EZH1: variants seen among roughly 807,000 people sequenced by gnomAD.
EZH1 encodes histone-lysine N-methyltransferase EZH1.
Under a neutral mutation model 100.5 loss-of-function variants are expected in EZH1, and 33 were observed. The ratio of observed to expected loss-of-function variants is 0.33; its 90% CI spans 0.25 to 0.44. The LOEUF (loss-of-function observed/expected upper bound fraction) is 0.44. Ranked by LOEUF, EZH1 falls within the 20% of genes least tolerant of loss-of-function variation. EZH1 has a pLI of 1.00. For missense variants in EZH1, 475 were observed against 928.4 expected, an observed-to-expected ratio of 0.51 and a Z score of 6.35; for synonymous variants, 272 against 313.8, an observed-to-expected ratio of 0.87 and a Z score of 1.41.
At chr17:42,703,932 A>G (rs559296008) in intron 18 of EZH1, 112 bp from the exon 19 acceptor site, 2 of 799,456 alleles carry the variant, frequency 2.5e-6, no homozygotes, top group Admixed American at 1.8e-5. Flanking sequence ...TCTGATGGGA[A>G]TGTTGAAGCC....
intron 19 of EZH1, chr17:42,703,164 GTTTTT>G (rs961939749): frequency 1.8e-6 from 1 of 550,574 alleles, no homozygotes; most frequent in South Asian, 2.1e-5. Context: ...TATAAGTGGG[GTTTTT>G]TGTTTTGTTT....
Position 42,718,019 on chromosome 17 carries a change from T to C in EZH1, c.980A>G (p.Lys327Arg). The C allele has an allele frequency of 6.2e-7, 1 of 1,614,228 alleles. No homozygotes were observed. Among genetic ancestry groups the C allele is most frequent in the Non-Finnish European group, 8.5e-7 (1 of 1,180,036 alleles). Residue 327 changes from lysine (K) to arginine (R), a missense_variant, in exon 10 of 21, where the codon AAG becomes AGG. This residue lies in a region of EZH1 where 180 missense variants were observed against 295.3 expected (regional missense o/e 0.61). Transcript: ENST00000428826. The surrounding 1 kb of genome is among the most constrained non-coding windows in gnomAD (Gnocchi z 4.2). ...TGTGCCACATGGTTCTGGTTCAATC[T>C]TGATTTCTTTATTCTTGCGTTTATA... is the stretch of plus-strand genomic sequence containing the variant. Reference protein sequence around the residue: ...NVYKRKNKEIKIEPEPCGTDC... With the variant: ...NVYKRKNKEIRIEPEPCGTDC...
intron 10 of EZH1, among the ~76,000 whole-genome samples, chr17:42,716,839 C>T (rs1033586052): frequency 6.6e-6 from 1 of 152,112 alleles, no homozygotes; most frequent in African/African-American, 2.4e-5. Flanking sequence ...GCTGGGATTA[C>T]AGGCGTGCGC....
At chr17:42,714,396 T>C in intron 10 of EZH1, 1 of 337,404 alleles carries the variant, frequency 3.0e-6, no homozygotes, top group East Asian at 7.0e-5. Flanking sequence ...TGATTACCTT[T>C]ATACCAAGAG....
chr17:42,710,896 T>C (rs2053468196), intron 12 of EZH1, among the ~76,000 whole-genome samples: 1 of 151,634 alleles, frequency 6.6e-6, no homozygotes, highest in South Asian at 2.1e-4. Context: ...GCACTGGAAT[T>C]CTAGGTGTGA....
intron 6 of EZH1, among the ~76,000 whole-genome samples, chr17:42,721,161 T>C (rs1157969003): frequency 1.3e-5 from 2 of 152,218 alleles, no homozygotes; most frequent in African/African-American, 2.4e-5. Flanking sequence ...TTGTACTTTA[T>C]GGAGATGTAC....
At chr17:42,710,409 T>C (rs990743550) in intron 12 of EZH1, among the ~76,000 whole-genome samples, 9 of 152,224 alleles carry the variant, frequency 5.9e-5, no homozygotes, top group African/African-American at 2.2e-4. Context: ...GTTTTTTCTC[T>C]TAAAGCACTG....
At chr17:42,703,446 G>T in intron 19 of EZH1, 1 of 365,968 alleles carries the variant, frequency 2.7e-6, no homozygotes, top group Admixed American at 4.4e-5. Context: ...CCAAAGTGCT[G>T]GGATTACAGG....
chr17:42,738,210 G>A (rs1205917873), intron 1 of EZH1, among the ~76,000 whole-genome samples: 1 of 149,978 alleles, frequency 6.7e-6, no homozygotes, highest in African/African-American at 2.4e-5. Flanking sequence ...TAAGGAACAA[G>A]TTCTTAAACT....
Position 42,728,698 on chromosome 17 carries a change from C to T in EZH1, c.117+127G>A, listed in dbSNP as rs569061842. 6.4e-5 allele frequency: 57 copies of T among 889,256 alleles called. 1 individual carries two copies. The highest frequency in any genetic ancestry group is 8.8e-5 in the African/African-American group (5 of 57,010). The allele number at this position is 889,256 out of a possible 1,614,324, so 55.1% of individuals were successfully genotyped here. A position where few individuals can be genotyped will look rare whatever the true frequency, so the allele number is the denominator to read the frequency against. ...TGGAGCTTGCAGTAAGCTGAGATTACGCCACTGCACTCCAACCTGGGTGAC... is the reference window on the plus strand; with the variant it reads ...TGGAGCTTGCAGTAAGCTGAGATTATGCCACTGCACTCCAACCTGGGTGAC... On this transcript the variant is annotated intron_variant, in intron 3 of 20. Coordinates refer to ENST00000428826, the MANE Select transcript of EZH1 (RefSeq NM_001991.5).
chr17:42,717,145 T>C (rs2053621459), intron 10 of EZH1, among the ~76,000 whole-genome samples: 1 of 152,268 alleles, frequency 6.6e-6, no homozygotes, highest in Admixed American at 6.5e-5. Context: ...ATGACACTGT[T>C]ATAGGATGAA....
At chr17:42,737,583 G>A (rs2054090401) in intron 1 of EZH1, among the ~76,000 whole-genome samples, 1 of 152,204 alleles carries the variant, frequency 6.6e-6, no homozygotes, top group Non-Finnish European at 1.5e-5. Flanking sequence ...TCCAGCCTGG[G>A]TGACAGAGTG....
chr17:42,711,510 G>T (rs925044154), intron 12 of EZH1, among the ~76,000 whole-genome samples: 1 of 151,844 alleles, frequency 6.6e-6, no homozygotes. Context: ...GGGTGTGGTG[G>T]TGGGCACCTG....
chr17:42,713,629 G>GTCTC (rs147513627), intron 10 of EZH1, among the ~76,000 whole-genome samples: 1 of 151,940 alleles, frequency 6.6e-6, no homozygotes, highest in African/African-American at 2.4e-5. Context: ...TTGAGACAGG[G>GTCTC]TCTCTCTCTC....
chr17:42,707,798 C>T (rs192347797), intron 15 of EZH1, among the ~76,000 whole-genome samples, 160 bp downstream of exon 15: 2 of 152,316 alleles, frequency 1.3e-5, no homozygotes, highest in Admixed American at 1.3e-4. Flanking sequence ...AAACGACTCT[C>T]CCAGATCTCA....
intron 1 of EZH1, among the ~76,000 whole-genome samples, chr17:42,742,860 CT>C (rs2054201932): frequency 2.0e-5 from 3 of 151,944 alleles, no homozygotes; most frequent in African/African-American, 7.3e-5. Flanking sequence ...TTTTTAAGTA[CT>C]TCTCTCTCCC....
chr17:42,736,714 G>C (rs1439644480), intron 1 of EZH1, among the ~76,000 whole-genome samples: 4 of 152,120 alleles, frequency 2.6e-5, no homozygotes, highest in Non-Finnish European at 4.4e-5. Context: ...TGCACTTGTA[G>C]TCTCAGCTGC....
chr17:42,705,032 G>A lies in EZH1; in HGVS notation c.1935+56C>T, dbSNP rs995464568. 2.1e-6 allele frequency: 3 copies of A among 1,409,198 alleles called. No individual in the cohort carries two copies. In the African/African-American group the frequency reaches 4.2e-5, roughly 20 times the overall value. The allele number at this position is 1,409,198 out of a possible 1,614,324, so 87.3% of individuals were successfully genotyped here. ...AAGAAGCCTGGCCCACAGAAAATCAGAGTTTCTCATCAGTCTCCCCCGAGT... is the reference window on the plus strand; with the variant it reads ...AAGAAGCCTGGCCCACAGAAAATCAAAGTTTCTCATCAGTCTCCCCCGAGT... On this transcript the variant is annotated intron_variant, in intron 17 of 20. Coordinates refer to ENST00000428826, the MANE Select transcript of EZH1 (RefSeq NM_001991.5).
At chr17:42,740,384 T>G (rs911351761) in intron 1 of EZH1, among the ~76,000 whole-genome samples, 16 of 152,130 alleles carry the variant, frequency 1.1e-4, no homozygotes, top group African/African-American at 3.6e-4. Context: ...GGACTACAGG[T>G]GCAAGCCACC....
Sources: allele counts gnomAD v4.1 joint callset (sites outside exome capture counted in the v4.1 genomes callset), GRCh38; gene constraint gnomAD v4.1.1; regional missense constraint gnomAD v4.1.1; non-coding constraint Gnocchi (gnomAD v3.1); transcripts MANE v1.5; gene names NCBI Gene and HGNC (gene_info 2026-07-23, HGNC 2026-07-21).